Variants in RARB observed in about 807,000 individuals in gnomAD.
RARB encodes the protein HBV-activated protein.
A neutral mutation model predicts 51.9 loss-of-function variants in RARB; 17 were observed. The observed-to-expected ratio is 0.33, with a 90% confidence interval of 0.22 to 0.49. The LOEUF is 0.49. Among genes scored for constraint, RARB ranks in the 20% least tolerant of loss-of-function variants. RARB has a pLI of 0.99. For missense variants in RARB, 369 were observed against 550.8 expected, an observed-to-expected ratio of 0.67 and a Z score of 3.30; for synonymous variants, 215 against 195.4, an observed-to-expected ratio of 1.10 and a Z score of -0.84.
chr3:25,453,513 G>A (rs1310579238), intron 1 of RARB, among the ~76,000 whole-genome samples: 1 of 151,892 alleles, frequency 6.6e-6, no homozygotes, highest in Non-Finnish European at 1.5e-5. Context: ...TAAGTGCTGG[G>A]ATTACAGGCA....
At chr3:25,346,924 T>C (rs574972886) in intron 5 of RARB, among the ~76,000 whole-genome samples, 2 of 152,336 alleles carry the variant, frequency 1.3e-5, no homozygotes, top group East Asian at 1.9e-4. Flanking sequence ...TCATAGGCTA[T>C]AGTCAAGTTA....
At chr3:25,562,545 A>G (rs1036363097) in intron 3 of RARB, among the ~76,000 whole-genome samples, 3 of 152,232 alleles carry the variant, frequency 2.0e-5, no homozygotes, top group African/African-American at 4.8e-5. Flanking sequence ...CCGGGTATGA[A>G]GGAAAGCATC....
chr3:25,454,049 A>G (rs558945410), intron 1 of RARB, among the ~76,000 whole-genome samples: 1 of 152,386 alleles, frequency 6.6e-6, no homozygotes, highest in East Asian at 1.9e-4. Flanking sequence ...GATTAAAAGC[A>G]GATCCTCTCC....
chr3:25,368,701 C>T (rs1706209080), intron 5 of RARB, among the ~76,000 whole-genome samples: 1 of 152,146 alleles, frequency 6.6e-6, no homozygotes. Flanking sequence ...TTTCTAAAAG[C>T]AAGTAGATTT....
intron 2 of RARB, among the ~76,000 whole-genome samples, chr3:24,970,777 C>T (rs1011099841): frequency 2.6e-5 from 4 of 151,942 alleles, no homozygotes; most frequent in African/African-American, 9.7e-5. Context: ...AGTTCATAAA[C>T]TTATATTTCT....
intron 5 of RARB, among the ~76,000 whole-genome samples, chr3:25,266,906 T>TA (rs1450596762): frequency 6.6e-6 from 1 of 152,144 alleles, no homozygotes; most frequent in Non-Finnish European, 1.5e-5. Context: ...AAATGAGAAA[T>TA]ACATTTCTAT....
At chr3:25,516,775 C>G (rs1470718727) in intron 3 of RARB, among the ~76,000 whole-genome samples, 1 of 151,984 alleles carries the variant, frequency 6.6e-6, no homozygotes, top group Non-Finnish European at 1.5e-5. Context: ...TATAAGCATA[C>G]ACCTCCACAC....
chr3:25,294,067 G>A (rs994436921), intron 5 of RARB, among the ~76,000 whole-genome samples: 13 of 152,134 alleles, frequency 8.5e-5, no homozygotes, highest in African/African-American at 2.2e-4. Flanking sequence ...AGGATTCACC[G>A]AGGAAAATGC....
Position 25,301,997 on chromosome 3 carries a change from C to T in RARB, c.178+127422C>T, listed in dbSNP as rs988489995. Among the ~76,000 whole-genome samples the T allele has an allele frequency of 2.0e-5, 3 of 152,116 alleles. No homozygotes were observed. The East Asian group carries it at 5.8e-4, about 29-fold the overall frequency. ...ATTGATACAGATGAGAAACTAACAG[C>T]AAAACCATGGCAAGTCCTCACACTA... On this transcript the variant is annotated intron_variant, in intron 5 of 11. Coordinates refer to the RARB transcript ENST00000383772.
Position 24,940,150 on chromosome 3 carries a change from T to C in RARB, c.-380+81398T>C, listed in dbSNP as rs568723980. ...GGCAGTAATCTAGACACGTCTCCTT[T>C]AAATGGTGGCGGTGGTCTGTGTCTG... On this transcript the variant is annotated intron_variant, in intron 2 of 11. Transcript: ENST00000383772. Among the ~76,000 whole-genome samples the C allele has an allele frequency of 3.0e-4, 46 of 152,334 alleles. 2 individuals carry two copies. The South Asian group carries it at 9.5e-3, about 32-fold the overall frequency.
At chr3:25,234,029 G>A (rs190875064) in intron 5 of RARB, among the ~76,000 whole-genome samples, 11 of 152,048 alleles carry the variant, frequency 7.2e-5, no homozygotes, top group Non-Finnish European at 1.5e-4. Context: ...CAGCTCTCTT[G>A]TAATATCTTT....
intron 5 of RARB, among the ~76,000 whole-genome samples, chr3:25,593,031 GAAT>G (rs1294773164): frequency 1.3e-5 from 2 of 152,086 alleles, no homozygotes; most frequent in African/African-American, 4.8e-5. Context: ...TGTAAAATAA[GAAT>G]AATATTCACT....
intron 5 of RARB, among the ~76,000 whole-genome samples, chr3:25,344,159 C>G (rs977478181): frequency 3.3e-5 from 5 of 152,158 alleles, no homozygotes; most frequent in African/African-American, 1.2e-4. Flanking sequence ...ATATTAAACT[C>G]TTCATTTCTT....
rs146508715 is a variant in RARB at position 24,914,501 on chromosome 3, C to T, written c.-380+55749C>T. ...CTGCCAATTATGTGTAAAGTACAGC[C>T]GATCTTCAGTATCCATAAAGGACTG... On this transcript the variant is annotated intron_variant, in intron 2 of 11. Transcript: ENST00000383772. Among the ~76,000 whole-genome samples, 8 of 152,188 alleles carry T rather than the reference C, an allele frequency of 5.3e-5. No homozygotes were observed. In the East Asian group the frequency reaches 1.2e-3, roughly 22 times the overall value.
At chr3:25,055,685 A>G (rs961477693) in intron 2 of RARB, among the ~76,000 whole-genome samples, 1 of 152,102 alleles carries the variant, frequency 6.6e-6, no homozygotes, top group Non-Finnish European at 1.5e-5. Flanking sequence ...AGGCCAATAA[A>G]GGGACAGTAG....
At chr3:25,543,363 C>T (rs890892433) in intron 3 of RARB, among the ~76,000 whole-genome samples, 1 of 152,162 alleles carries the variant, frequency 6.6e-6, no homozygotes, top group Admixed American at 6.5e-5. Context: ...ACCTCGCTCC[C>T]CCCAACCAGT....
chr3:25,230,039 GAAATAA>G (rs1206227927), intron 5 of RARB, among the ~76,000 whole-genome samples: 2 of 152,164 alleles, frequency 1.3e-5, no homozygotes, highest in Admixed American at 6.5e-5. Context: ...TGACAGCAAA[GAAATAA>G]AAATAAATAA....
chr3:25,362,191 G>A (rs1176252264), intron 5 of RARB, among the ~76,000 whole-genome samples: 1 of 152,198 alleles, frequency 6.6e-6, no homozygotes, highest in Admixed American at 6.5e-5. Flanking sequence ...CCTGCCCAGA[G>A]TGGAGGAATC....
intron 2 of RARB, among the ~76,000 whole-genome samples, chr3:24,940,497 G>T (rs1317431676): frequency 1.3e-5 from 2 of 152,176 alleles, no homozygotes; most frequent in Non-Finnish European, 2.9e-5. Context: ...TTTAAAAATA[G>T]TCATTCAAGT....
Sources: allele counts gnomAD v4.1 joint callset (sites outside exome capture counted in the v4.1 genomes callset), GRCh38; gene constraint gnomAD v4.1.1; transcripts MANE v1.5; gene names NCBI Gene and HGNC (gene_info 2026-07-23, HGNC 2026-07-21).